Variants in PTPRG observed in about 807,000 individuals in gnomAD.
The protein encoded by PTPRG is receptor-type tyrosine-protein phosphatase gamma.
In PTPRG, 102 loss-of-function variants were observed where a neutral mutation model predicts 165.3. That is an observed-to-expected ratio of 0.62 (90% CI 0.53 to 0.73). The LOEUF (loss-of-function observed/expected upper bound fraction) is 0.73, where lower values mean the gene tolerates loss of function less well. Ranked by LOEUF, PTPRG falls within the 30% of genes least tolerant of loss-of-function variation. The probability of loss-of-function intolerance (pLI) is 0.00; values close to 1 mark genes in which losing one functional copy is unlikely to be tolerated. For synonymous variants in PTPRG, 675 were observed against 669.5 expected, an observed-to-expected ratio of 1.01 and a Z score of -0.13; for missense variants, 1,866 against 1,861.4, an observed-to-expected ratio of 1.00 and a Z score of -0.05.
intron 2 of PTPRG, among the ~76,000 whole-genome samples, chr3:61,817,082 AATAT>A: frequency 7.5e-6 from 1 of 132,694 alleles, no homozygotes; most frequent in East Asian, 2.0e-4. Context: ...TATTATATAT[AATAT>A]ATATTACATA....
At chr3:61,967,041 A>C (rs908413314) in intron 2 of PTPRG, among the ~76,000 whole-genome samples, 7 of 152,222 alleles carry the variant, frequency 4.6e-5, no homozygotes, top group African/African-American at 1.7e-4. Flanking sequence ...GTGCTCCCAG[A>C]GAAAACCTGG....
intron 2 of PTPRG, among the ~76,000 whole-genome samples, chr3:61,871,163 G>GTGTTGTGTTA (rs2037566160): frequency 1.6e-3 from 185 of 116,640 alleles, no homozygotes; most frequent in Middle Eastern, 4.0e-3. Context: ...GTGTTGTGTT[G>GTGTTGTGTTA]TGTTATGTTA....
At chr3:61,601,223 T>A (rs1284684965) in intron 1 of PTPRG, among the ~76,000 whole-genome samples, 1 of 152,186 alleles carries the variant, frequency 6.6e-6, no homozygotes, top group Non-Finnish European at 1.5e-5. Context: ...ACCACGGCAC[T>A]CCAGCCTGGG....
At chr3:62,054,499 C>T (rs1700568638) in intron 4 of PTPRG, among the ~76,000 whole-genome samples, 1 of 152,048 alleles carries the variant, frequency 6.6e-6, no homozygotes, top group African/African-American at 2.4e-5. Flanking sequence ...GAAACGTGGG[C>T]CAGGTGATTT....
chr3:61,610,948 A>G lies in PTPRG; in HGVS notation c.85+48576A>G, dbSNP rs1701151781. ...CAGCCTCCCAAGTAGCTGTCACTACATGTGTGTGCCACCATACCCAGCTCA... is the reference window on the plus strand; with the variant it reads ...CAGCCTCCCAAGTAGCTGTCACTACGTGTGTGTGCCACCATACCCAGCTCA... On this transcript the variant is annotated intron_variant, in intron 1 of 29. Transcript: ENST00000474889. Among the ~76,000 whole-genome samples, 3 of 152,092 alleles carry G rather than the reference A, an allele frequency of 2.0e-5. No homozygotes were observed. The South Asian group carries it at 6.2e-4, about 32-fold the overall frequency.
intron 2 of PTPRG, among the ~76,000 whole-genome samples, chr3:61,851,849 G>A (rs2036973516): frequency 6.6e-6 from 1 of 152,030 alleles, no homozygotes; most frequent in Admixed American, 6.5e-5. Flanking sequence ...AAATCAGAAG[G>A]GGTAGTTCAA....
intron 5 of PTPRG, among the ~76,000 whole-genome samples, chr3:62,123,574 C>T (rs1347925386): frequency 1.3e-5 from 2 of 152,106 alleles, no homozygotes; most frequent in Non-Finnish European, 2.9e-5. Context: ...AATAAACACA[C>T]TTGATTTATT....
chr3:61,982,629 C>A (rs1413644948), intron 2 of PTPRG, among the ~76,000 whole-genome samples: 3 of 152,122 alleles, frequency 2.0e-5, no homozygotes, highest in Non-Finnish European at 4.4e-5. Flanking sequence ...GCCTAGAGGT[C>A]TGTGGCTCAG....
At chr3:61,918,733 G>T (rs1000087880) in intron 2 of PTPRG, among the ~76,000 whole-genome samples, 2 of 152,116 alleles carry the variant, frequency 1.3e-5, no homozygotes, top group African/African-American at 4.8e-5. Context: ...ACTGGGGAGC[G>T]GTGATGGGAA....
chr3:61,731,048 C>A (rs981972509), intron 1 of PTPRG, among the ~76,000 whole-genome samples: 1 of 152,192 alleles, frequency 6.6e-6, no homozygotes, highest in Admixed American at 6.5e-5. Context: ...CTGCATTATT[C>A]AATGCCAAGC....
At chr3:61,894,301 C>CA (rs767479285) in intron 2 of PTPRG, among the ~76,000 whole-genome samples, 681 of 49,846 alleles carry the variant, frequency 0.014, 86 homozygotes, top group East Asian at 0.038. Flanking sequence ...GACTCTGTGT[C>CA]AAAAAAAAAA....
At chr3:61,828,750 T>A (rs934661555) in intron 2 of PTPRG, among the ~76,000 whole-genome samples, 1 of 152,106 alleles carries the variant, frequency 6.6e-6, no homozygotes, top group African/African-American at 2.4e-5. Context: ...GGGGACAGGG[T>A]GACAAGCCTT....
At chr3:61,938,554 C>T (rs563774816) in intron 2 of PTPRG, among the ~76,000 whole-genome samples, 27 of 152,130 alleles carry the variant, frequency 1.8e-4, no homozygotes, top group Non-Finnish European at 3.1e-4. Flanking sequence ...TGAATATCCC[C>T]GTGTTTGACA....
chr3:62,074,669 A>G (rs1242186176), intron 4 of PTPRG, among the ~76,000 whole-genome samples: 2 of 151,830 alleles, frequency 1.3e-5, no homozygotes, highest in Admixed American at 6.6e-5. Context: ...GCTTACGTAC[A>G]CCACGTTTCT....
At chr3:62,138,001 A>C (rs1339634041) in intron 6 of PTPRG, among the ~76,000 whole-genome samples, 5 of 152,172 alleles carry the variant, frequency 3.3e-5, no homozygotes, top group African/African-American at 9.7e-5. Flanking sequence ...GATTGCTCTC[A>C]ATTGGTCATT....
intron 8 of PTPRG, among the ~76,000 whole-genome samples, chr3:62,186,825 C>T (rs544665228): frequency 3.7e-4 from 57 of 152,196 alleles, no homozygotes; most frequent in African/African-American, 1.1e-3. Context: ...CCATGGCCTC[C>T]CAAAGTGTTA....
At chr3:62,000,005 C>A (rs973908315) in intron 3 of PTPRG, among the ~76,000 whole-genome samples, 25 of 151,922 alleles carry the variant, frequency 1.6e-4, no homozygotes, top group African/African-American at 4.6e-4. Flanking sequence ...CTTAAGATCT[C>A]CCCCCCAGGC....
At chr3:61,925,331 A>G (rs113311222) in intron 2 of PTPRG, among the ~76,000 whole-genome samples, 1 of 152,156 alleles carries the variant, frequency 6.6e-6, no homozygotes, top group East Asian at 1.9e-4. Context: ...TGTGGGTCCA[A>G]AATGGTTCCA....
At chr3:61,695,986 G>A (rs189489785) in intron 1 of PTPRG, among the ~76,000 whole-genome samples, 2 of 152,234 alleles carry the variant, frequency 1.3e-5, no homozygotes, top group Non-Finnish European at 2.9e-5. Flanking sequence ...GGGATTTAAG[G>A]ATGTGTTTTG....
Sources: gnomAD v4.1 joint callset for allele counts (sites outside exome capture counted in the v4.1 genomes callset) on GRCh38, gnomAD v4.1.1 for gene constraint, MANE v1.5 for transcripts, NCBI Gene and HGNC (gene_info 2026-07-23, HGNC 2026-07-21) for gene names.